Variants in PLPP1 observed in about 807,000 individuals in gnomAD.
PLPP1 encodes the protein phospholipid phosphatase 1.
In PLPP1, 24 loss-of-function variants were observed where a neutral mutation model predicts 31.2. The ratio of observed to expected loss-of-function variants is 0.77; its 90% CI spans 0.56 to 1.08. PLPP1 has a LOEUF of 1.08. Among genes scored for constraint, PLPP1 ranks in the 50% least tolerant of loss-of-function variants. The probability of loss-of-function intolerance (pLI) is 0.00; values close to 1 mark genes in which losing one functional copy is unlikely to be tolerated. For synonymous variants in PLPP1, 146 were observed against 126.3 expected, an observed-to-expected ratio of 1.16 and a Z score of -1.05; for missense variants, 319 against 342.7, an observed-to-expected ratio of 0.93 and a Z score of 0.55.
chr5:55,514,962 C>T (rs1183191817), intron 1 of PLPP1, among the ~76,000 whole-genome samples: 1 of 152,240 alleles, frequency 6.6e-6, no homozygotes, highest in African/African-American at 2.4e-5. Flanking sequence ...TGAGTGCCTA[C>T]TAAATACCTG....
intron 1 of PLPP1, chr5:55,530,841 G>A: frequency 8.2e-7 from 1 of 1,222,636 alleles, no homozygotes; most frequent in Non-Finnish European, 1.2e-6. Context: ...AGACGGGGCA[G>A]TAGGATGTGG....
chr5:55,498,272 A>C (rs890389868), intron 1 of PLPP1, among the ~76,000 whole-genome samples: 2 of 152,172 alleles, frequency 1.3e-5, no homozygotes, highest in Non-Finnish European at 2.9e-5. Context: ...CAGAAATACT[A>C]GTGTATATTA....
At chr5:55,506,670 T>C (rs866993051) in intron 1 of PLPP1, among the ~76,000 whole-genome samples, 20 of 152,184 alleles carry the variant, frequency 1.3e-4, no homozygotes, top group Admixed American at 5.9e-4. Context: ...AAAACTAATA[T>C]GTAAGAAACA....
Position 55,467,912 on chromosome 5 carries a change from A to AT in PLPP1, c.447dup (p.Tyr150IlefsTer12). On this transcript the variant is annotated frameshift_variant, in exon 3 of 6. Transcript: ENST00000307259. LOFTEE classifies it high-confidence loss of function. Reference sequence around the variant, plus strand: ...TCTGCATTCCCTCGACATATGTAGTATTCAATGTAACCATCGCTGCAGTTG... The same window carrying AT: ...TCTGCATTCCCTCGACATATGTAGTATTTCAATGTAACCATCGCTGCAGTTG... The AT allele has an allele frequency of 6.2e-7, 1 of 1,614,208 alleles. No homozygotes were observed. Among genetic ancestry groups the AT allele is most frequent in the Non-Finnish European group, 8.5e-7 (1 of 1,180,016 alleles).
At chr5:55,443,192 A>AATATATATATATATATATATATATATAT in intron 3 of PLPP1, among the ~76,000 whole-genome samples, 1 of 25,444 alleles carries the variant, frequency 3.9e-5, no homozygotes. Context: ...AAAAAAAAAA[A>AATATATATATATATATATATATATATAT]ATATATATAT....
At chr5:55,504,590 T>G (rs1753229892) in intron 1 of PLPP1, among the ~76,000 whole-genome samples, 1 of 151,294 alleles carries the variant, frequency 6.6e-6, no homozygotes, top group Non-Finnish European at 1.5e-5. Context: ...AAACAAAATT[T>G]TTGTTGCCAT....
intron 4 of PLPP1, among the ~76,000 whole-genome samples, chr5:55,429,449 C>G (rs1452818609): frequency 6.6e-6 from 1 of 152,032 alleles, no homozygotes; most frequent in Non-Finnish European, 1.5e-5. Flanking sequence ...TGGGGAGGCT[C>G]CCCCATGCTG....
chr5:55,434,150 G>C (rs1369572980), intron 4 of PLPP1, among the ~76,000 whole-genome samples: 1 of 142,308 alleles, frequency 7.0e-6, no homozygotes, highest in Non-Finnish European at 1.5e-5. Context: ...AAAAAAAAAA[G>C]AGCAATCCCA....
Position 55,534,602 on chromosome 5 carries a change from C to T in PLPP1, c.28G>A (p.Val10Met). Residue 10 changes from valine to methionine, a missense_variant, in exon 1 of 6, where the codon GTG (valine) becomes ATG (methionine). By Grantham distance (21) the Val-to-Met change is conservative. Coordinates refer to ENST00000307259, the MANE Select transcript of PLPP1 (RefSeq NM_003711.4). Reference sequence around the variant, plus strand: ...AACACGCAGAGCACATCGAGGGCCACGTACGGCAGCCGCGTCTTGTCAAAC... The same window carrying T: ...AACACGCAGAGCACATCGAGGGCCATGTACGGCAGCCGCGTCTTGTCAAAC... MFDKTRLPY[V>M]ALDVLCVLLA... 1 of 1,558,012 alleles carries T rather than the reference C, an allele frequency of 6.4e-7. No homozygotes were observed. The highest frequency in any genetic ancestry group is 1.8e-4 in the Middle Eastern group (1 of 5,604).
Position 55,443,192 on chromosome 5 carries a change from A to AATATATATATATATAT in PLPP1, c.492-1300_492-1285dup, listed in dbSNP as rs1159178740. On this transcript the variant is annotated intron_variant, in intron 3 of 5. Coordinates refer to ENST00000307259, the MANE Select transcript of PLPP1 (RefSeq NM_003711.4). ...AAGGATTACTTAAAAAAAAAAAAAA[A>AATATATATATATATAT]ATATATATATATATATATATACACA... is the stretch of plus-strand genomic sequence containing the variant. 4.3e-3 allele frequency among the ~76,000 whole-genome samples: 110 copies of AATATATATATATATAT among 25,394 alleles called. 4 individuals carry two copies. Among genetic ancestry groups the AATATATATATATATAT allele is most frequent in the South Asian group, 7.4e-3 (3 of 406 alleles). The allele number at this position is 25,394 out of a possible 152,430, so 16.7% of individuals were successfully genotyped here.
At chr5:55,514,094 A>T (rs1265954476) in intron 1 of PLPP1, among the ~76,000 whole-genome samples, 2 of 152,202 alleles carry the variant, frequency 1.3e-5, no homozygotes, top group Non-Finnish European at 2.9e-5. Flanking sequence ...AAAAAATTTT[A>T]AATGGCCAGG....
rs1753145478 is a variant in PLPP1 at position 55,501,519 on chromosome 5, T to A, written c.59-26069A>T. 2.6e-5 allele frequency among the ~76,000 whole-genome samples: 4 copies of A among 152,188 alleles called. No homozygotes were observed. The South Asian group carries it at 6.2e-4, about 24-fold the overall frequency. On this transcript the variant is annotated intron_variant, in intron 1 of 5. Coordinates refer to ENST00000307259, the MANE Select transcript of PLPP1 (RefSeq NM_003711.4). ...ACAAAGCTAATTTATTTATTTATTT[T>A]TTGAGACAGAGTTTCGCTTTTGTTG...
At chr5:55,440,766 T>C (rs552294427) in intron 4 of PLPP1, among the ~76,000 whole-genome samples, 45 of 152,368 alleles carry the variant, frequency 3.0e-4, no homozygotes, top group African/African-American at 9.9e-4. Flanking sequence ...AGTAAAACAT[T>C]TTAAATTATC....
chr5:55,444,600 G>A (rs1751708150), intron 3 of PLPP1, among the ~76,000 whole-genome samples: 1 of 152,142 alleles, frequency 6.6e-6, no homozygotes, highest in Admixed American at 6.5e-5. Context: ...TTCTCAGGAA[G>A]AAAATTTACG....
intron 1 of PLPP1, among the ~76,000 whole-genome samples, chr5:55,490,144 C>CTTTTTTTTT (rs896241457): frequency 2.3e-4 from 19 of 83,370 alleles, no homozygotes; most frequent in African/African-American, 5.7e-4. Context: ...CTTTTCTTTT[C>CTTTTTTTTT]TTTTTTTTTT....
intron 1 of PLPP1, among the ~76,000 whole-genome samples, chr5:55,512,512 AAAAGAAAG>A (rs200128975): frequency 0.062 from 2,259 of 36,576 alleles, 87 homozygotes; most frequent in Middle Eastern, 0.12. Context: ...AAAAGAAAAG[AAAAGAAAG>A]AAAGAAAGAA....
intron 1 of PLPP1, among the ~76,000 whole-genome samples, chr5:55,488,303 AAAAC>A (rs1374032988): frequency 6.6e-6 from 1 of 152,066 alleles, no homozygotes; most frequent in Non-Finnish European, 1.5e-5. Context: ...GATAAGTAAA[AAAAC>A]AAAGCACAAA....
intron 1 of PLPP1, among the ~76,000 whole-genome samples, chr5:55,532,426 G>T (rs905378405): frequency 6.6e-6 from 1 of 152,100 alleles, no homozygotes; most frequent in Non-Finnish European, 1.5e-5. Flanking sequence ...TGCACAATAT[G>T]TGGCAATGAT....
chr5:55,428,186 C>G (rs546878764), intron 4 of PLPP1, among the ~76,000 whole-genome samples: 1 of 152,344 alleles, frequency 6.6e-6, no homozygotes, highest in South Asian at 2.1e-4. Context: ...CAGTGAAACT[C>G]TGACCATGGA....
Sources: allele counts gnomAD v4.1 joint callset (sites outside exome capture counted in the v4.1 genomes callset), GRCh38; gene constraint gnomAD v4.1.1; transcripts MANE v1.5; gene names NCBI Gene and HGNC (gene_info 2026-07-23, HGNC 2026-07-21).